Variants in EPB42 observed in about 807,000 individuals in gnomAD.
EPB42 encodes the protein erythrocyte membrane protein band 4.2, also known as protein 4.2.
Under a neutral mutation model 76.9 loss-of-function variants are expected in EPB42, and 49 were observed. The observed-to-expected ratio is 0.64, with a 90% CI of 0.51 to 0.81. The LOEUF (loss-of-function observed/expected upper bound fraction) is 0.81, where lower values mean the gene tolerates loss of function less well. Among genes scored for constraint, EPB42 ranks in the 30% least tolerant of loss-of-function variants. The probability of loss-of-function intolerance (pLI) is 0.00; values close to 1 mark genes in which losing one functional copy is unlikely to be tolerated. For synonymous variants in EPB42, 310 were observed against 338.4 expected (o/e 0.92, Z 0.92); for missense variants, 731 against 867.6 (o/e 0.84, Z 1.98).
At chr15:43,199,232 ACACT>A (rs1257256273) in intron 12 of EPB42, among the ~76,000 whole-genome samples, 2 of 152,170 alleles carry the variant, frequency 1.3e-5, no homozygotes, top group Non-Finnish European at 2.9e-5. Flanking sequence ...AAAGCCACAG[ACACT>A]CAGCGCCAGC....
chr15:43,209,514 G>A, intron 5 of EPB42, 63 bp from the exon 6 acceptor site: 2 of 1,532,942 alleles, frequency 1.3e-6, no homozygotes, highest in Non-Finnish European at 1.8e-6. Context: ...TCCAGGGCAT[G>A]GGTAAGGAGG....
intron 11 of EPB42, among the ~76,000 whole-genome samples, chr15:43,202,541 C>G (rs974859557): frequency 6.6e-6 from 1 of 152,190 alleles, no homozygotes; most frequent in Admixed American, 6.5e-5. Context: ...TATTCCATAG[C>G]AACTTTGTGC....
intron 2 of EPB42, 113 bp from the exon 3 acceptor site, chr15:43,215,441 T>C (rs2042363840): frequency 3.5e-6 from 4 of 1,129,300 alleles, no homozygotes; most frequent in African/African-American, 1.5e-5. Context: ...TGGAGGATAA[T>C]GAAAGTGACC....
At chr15:43,225,077 G>C (rs1157435679), upstream of EPB42, among the ~76,000 whole-genome samples, 2 of 152,234 alleles carry the variant, frequency 1.3e-5, no homozygotes, top group Non-Finnish European at 2.9e-5. Flanking sequence ...CCCAGTCCAA[G>C]CTGTATTGTT....
At chr15:43,201,101 C>T (rs184908470) in intron 12 of EPB42, among the ~76,000 whole-genome samples, 50 of 152,256 alleles carry the variant, frequency 3.3e-4, no homozygotes, top group African/African-American at 1.2e-3. Context: ...AGGCGTGAGC[C>T]ACCGGGCCTG....
Position 43,206,678 on chromosome 15 carries a change from TG to T in EPB42, c.1319-50del. ...TGACCTTTTACCCGGGTGGTATAAA[TG>T]CTTCTAATAAAACCCTGGGAATCAA... is the stretch of plus-strand genomic sequence containing the variant. On this transcript the variant is annotated intron_variant, in intron 9 of 12. Transcript: ENST00000441366. The surrounding 1 kb of genome is among the most constrained non-coding windows in gnomAD (Gnocchi z 4.7). 1 of 1,605,466 alleles carries T rather than the reference TG, an allele frequency of 6.2e-7. No individual in the cohort carries two copies. Among genetic ancestry groups the T allele is most frequent in the East Asian group, 2.2e-5 (1 of 44,850 alleles).
Position 43,215,418 on chromosome 15 carries a change from T to C in EPB42, c.197-90A>G. ...CAGGGTATTACAAAGATGGAGCAGG[T>C]GAAATTTGTTTTTGGAGGATAATGA... On this transcript the variant is annotated intron_variant, in intron 2 of 12. Coordinates refer to ENST00000441366, the MANE Select transcript of EPB42 (RefSeq NM_001114134.2). The C allele has an allele frequency of 2.1e-6, 3 of 1,419,330 alleles. No homozygotes were observed. The South Asian group carries it at 3.5e-5, about 16-fold the overall frequency. 87.9% of individuals were successfully genotyped at this position (1,419,330 alleles called of 1,614,324 possible).
chr15:43,216,535 AC>A, intron 1 of EPB42, 82 bp from the exon 2 acceptor site: 2 of 1,485,872 alleles, frequency 1.3e-6, no homozygotes, highest in Non-Finnish European at 1.9e-6. Context: ...AGTCAGAGAG[AC>A]CAGGGTTCTA....
In EPB42 at chr15:43,197,386, G is replaced by A. The variant is rs1196897494; in HGVS notation, c.1992C>T (p.Leu664=). 11 of 1,614,066 alleles carry A rather than the reference G, an allele frequency of 6.8e-6. No homozygotes were observed. The highest frequency in any genetic ancestry group is 9.3e-6 in the Non-Finnish European group (11 of 1,180,040). The change falls in exon 13 of 13, where the codon CTC becomes CTT. Residue 664 remains leucine, a synonymous_variant. Coordinates refer to ENST00000441366, the MANE Select transcript of EPB42 (RefSeq NM_001114134.2). ...FTPTHVGLQR[L]TVEVDCNMFQ... ...ACATGTTGCAGTCCACTTCCACAGT[G>A]AGTCTCTGGAGCCCCACATGTGTTG...
In EPB42 at chr15:43,207,364, G is replaced by C; in HGVS notation, c.1153C>G (p.Leu385Val). The part of the protein sequence containing the change: ...TLGLTPAVSD[L>V]FAAINASCVV... The stretch of plus-strand genomic sequence containing the variant: ...CATGAGGCATTTATGGCAGCAAAAA[G>C]GTCTGACACTGCTGGGGTCAGCCCC... Residue 385 changes from leucine (L) to valine (V), a missense_variant, in exon 9 of 13, where the codon CTT becomes GTT. Leu to Val is a conservative substitution (Grantham distance 32, BLOSUM62 1). Transcript: ENST00000441366. 6.2e-7 allele frequency: 1 copy of C among 1,614,194 alleles called. No individual in the cohort carries two copies. The highest frequency in any genetic ancestry group is 8.5e-7 in the Non-Finnish European group (1 of 1,180,016).
In EPB42 at chr15:43,208,739, G is replaced by A; in HGVS notation, c.869C>T (p.Thr290Ile). Reference protein sequence around the residue: ...RCLGIPARVVTTFASAQGTGG... With the variant: ...RCLGIPARVVITFASAQGTGG... ...GGTGCCCTGTGCTGAGGCAAACGTG[G>A]TCACCACGCGGGCAGGGATTCCCAG... Residue 290 changes from threonine (T) to isoleucine (I), a missense_variant, in exon 7 of 13, where the codon ACC becomes ATC. Coordinates refer to ENST00000441366, the MANE Select transcript of EPB42 (RefSeq NM_001114134.2). 1 of 1,614,172 alleles carries A rather than the reference G, an allele frequency of 6.2e-7. No homozygotes were observed. Among genetic ancestry groups the A allele is most frequent in the South Asian group, 1.1e-5 (1 of 91,084 alleles).
upstream of EPB42, among the ~76,000 whole-genome samples, chr15:43,223,226 A>G (rs1239280031): frequency 1.3e-5 from 2 of 152,152 alleles, no homozygotes; most frequent in East Asian, 3.9e-4. Context: ...CTGAGGCAGG[A>G]GAATAGCTTG....
At chr15:43,221,583 A>G (rs2042460689), upstream of EPB42, among the ~76,000 whole-genome samples, 1 of 152,054 alleles carries the variant, frequency 6.6e-6, no homozygotes, top group Admixed American at 6.5e-5. Context: ...GAAGGATCTC[A>G]TATTTGGCCC....
At chr15:43,221,208 A>T (rs530800676), upstream of EPB42, 20 of 322,010 alleles carry the variant, frequency 6.2e-5, no homozygotes, top group East Asian at 1.6e-3. Flanking sequence ...GTCTCAAGAG[A>T]CTCTCAGAGA....
rs773032103 is a variant in EPB42, at chr15:43,220,686, C to T, written c.10+130G>A. ...CAGCCACCTCATTATCACCAGTACC[C>T]CCTCCCCCACCATAGTTATACCACC... On this transcript the variant is annotated intron_variant, in intron 1 of 12. Coordinates refer to ENST00000441366, the MANE Select transcript of EPB42 (RefSeq NM_001114134.2). 22 of 1,546,658 alleles carry T rather than the reference C, an allele frequency of 1.4e-5. No homozygotes were observed. In the East Asian group the frequency reaches 4.3e-4, roughly 30 times the overall value.
upstream of EPB42, among the ~76,000 whole-genome samples, chr15:43,222,483 C>T (rs947286336): frequency 5.3e-5 from 8 of 152,188 alleles, no homozygotes; most frequent in African/African-American, 1.9e-4. Flanking sequence ...AGATCACCAT[C>T]CTGTGTAGGA....
chr15:43,197,485 G>A lies in EPB42; in HGVS notation c.1914-21C>T, dbSNP rs781781629. 11 of 1,613,354 alleles carry A rather than the reference G, an allele frequency of 6.8e-6. No individual in the cohort carries two copies. The South Asian group carries it at 7.7e-5, about 11-fold the overall frequency. ...GGAATCTGAAATAAAGGAAAAGGCAGGTGCTAGTTCTGTCCCAGGTTCATT... is the reference window on the plus strand; with the variant it reads ...GGAATCTGAAATAAAGGAAAAGGCAAGTGCTAGTTCTGTCCCAGGTTCATT... On this transcript the variant is annotated intron_variant, in intron 12 of 12. Transcript: ENST00000441366.
At chr15:43,217,677 C>T (rs1373170809) in intron 1 of EPB42, among the ~76,000 whole-genome samples, 7 of 152,296 alleles carry the variant, frequency 4.6e-5, no homozygotes, top group African/African-American at 1.7e-4. Flanking sequence ...GGCTCAACTG[C>T]CACAAGAGAG....
At chr15:43,216,156 C>G (rs145263712) in intron 2 of EPB42, 112 bp downstream of exon 2, 26 of 1,339,174 alleles carry the variant, frequency 1.9e-5, no homozygotes, top group Non-Finnish European at 2.6e-5. Flanking sequence ...GGACTTCTTA[C>G]GGCCCAGCTG....
Sources: allele counts gnomAD v4.1 joint callset (sites outside exome capture counted in the v4.1 genomes callset), GRCh38; gene constraint gnomAD v4.1.1; non-coding constraint Gnocchi (gnomAD v3.1); transcripts MANE v1.5; gene names NCBI Gene and HGNC (gene_info 2026-07-23, HGNC 2026-07-21).